The following DPP6 variants were observed in gnomAD, a reference collection of about 807,000 sequenced individuals.
DPP6 encodes dipeptidyl peptidase like 6.
DPP6 carries 69 observed loss-of-function variants against 122.6 expected under a neutral mutation model. That is an observed-to-expected ratio of 0.56 (90% CI 0.46 to 0.69). The LOEUF is 0.69. Ranked by LOEUF, DPP6 falls within the 30% of genes least tolerant of loss-of-function variation. The pLI, the probability that DPP6 is intolerant of heterozygous loss-of-function variation, is 0.00. For missense variants in DPP6, 928 were observed against 1,116.9 expected (o/e 0.83, Z 2.41); for synonymous variants, 418 against 433.1 (o/e 0.97, Z 0.43).
At chr7:154,812,096 G>T (rs1799096279) in intron 16 of DPP6, among the ~76,000 whole-genome samples, 1 of 152,206 alleles carries the variant, frequency 6.6e-6, no homozygotes, top group African/African-American at 2.4e-5. Flanking sequence ...AGGAAGGGAT[G>T]ATCATCAAAG....
intron 1 of DPP6, among the ~76,000 whole-genome samples, chr7:154,303,142 C>T (rs1281888803): frequency 6.6e-6 from 1 of 152,180 alleles, no homozygotes; most frequent in East Asian, 1.9e-4. Flanking sequence ...CCGCCACGCC[C>T]AGCTAATTGG....
chr7:153,947,095 C>T (rs1014156468), intron 1 of DPP6, among the ~76,000 whole-genome samples: 2 of 152,162 alleles, frequency 1.3e-5, no homozygotes, highest in African/African-American at 2.4e-5. Context: ...AAAATAAAAT[C>T]TCTTGCACTC....
intron 1 of DPP6, among the ~76,000 whole-genome samples, chr7:154,339,643 T>G (rs1000756706): frequency 6.6e-6 from 1 of 152,172 alleles, no homozygotes; most frequent in Non-Finnish European, 1.5e-5. Flanking sequence ...ACACTAGTTT[T>G]TTTTTTTCAT....
chr7:153,877,447 G>A, the DPP6 span, among the ~76,000 whole-genome samples: 4 of 151,988 alleles, frequency 2.6e-5, no homozygotes, highest in African/African-American at 7.3e-5. Context: ...TTAAACAAGC[G>A]GTAGTGCAAT....
At chr7:154,544,605 T>C (rs757048106) in intron 4 of DPP6, among the ~76,000 whole-genome samples, 12 of 152,272 alleles carry the variant, frequency 7.9e-5, no homozygotes, top group Non-Finnish European at 1.3e-4. Context: ...CATTCAGCAC[T>C]GGGGTCATGA....
chr7:154,233,750 C>T (rs1201046036), intron 1 of DPP6, among the ~76,000 whole-genome samples: 2 of 152,232 alleles, frequency 1.3e-5, no homozygotes, highest in Non-Finnish European at 2.9e-5. Context: ...GACGTCTTGT[C>T]TCCAGAACCA....
chr7:154,111,191 A>C (rs1806547363), intron 1 of DPP6, among the ~76,000 whole-genome samples: 1 of 152,182 alleles, frequency 6.6e-6, no homozygotes, highest in Non-Finnish European at 1.5e-5. Context: ...TGTCAGCTCC[A>C]TCATTGATGG....
chr7:154,608,903 G>A (rs568797421), intron 5 of DPP6, among the ~76,000 whole-genome samples: 4 of 152,226 alleles, frequency 2.6e-5, no homozygotes, highest in African/African-American at 9.6e-5. Flanking sequence ...CAGGTAGATG[G>A]AATTTTCTAG....
At chr7:153,906,472 T>A (rs917449480) in intron 1 of DPP6, among the ~76,000 whole-genome samples, 6 of 152,134 alleles carry the variant, frequency 3.9e-5, no homozygotes, top group Non-Finnish European at 8.8e-5. Context: ...AATTTCTGAG[T>A]TAGGGTCTCA....
chr7:154,661,719 GGCCGTA>G lies in DPP6; in HGVS notation c.681-7639_681-7634del, dbSNP rs1563073418. Among the ~76,000 whole-genome samples the G allele has an allele frequency of 1.1e-3, 163 of 144,664 alleles. 1 individual carries two copies. Among genetic ancestry groups the G allele is most frequent in the African/African-American group, 4.1e-3 (155 of 37,818 alleles). 94.9% of individuals were successfully genotyped at this position (144,664 alleles called of 152,430 possible). A position where few individuals can be genotyped will look rare whatever the true frequency, so the allele number is the denominator to read the frequency against. On this transcript the variant is annotated intron_variant, in intron 6 of 25. Transcript: ENST00000377770. ...TCATGGTGAATCACCATGGCATATT[GGCCGTA>G]GTGTTCATATAGTCATGGTGAATCA...
At chr7:154,420,059 C>T (rs546236695) in intron 1 of DPP6, among the ~76,000 whole-genome samples, 1 of 152,114 alleles carries the variant, frequency 6.6e-6, no homozygotes, top group Admixed American at 6.6e-5. Context: ...AGGAGAAGGC[C>T]GGCACGGTGG....
the DPP6 span, among the ~76,000 whole-genome samples, chr7:153,755,247 CAG>C: frequency 9.5e-5 from 14 of 146,806 alleles, no homozygotes; most frequent in South Asian, 1.1e-3. Context: ...CTGCATGACT[CAG>C]GGGACAACTA....
intron 1 of DPP6, among the ~76,000 whole-genome samples, chr7:154,002,619 G>A (rs1476964879): frequency 1.3e-5 from 2 of 152,154 alleles, no homozygotes; most frequent in Admixed American, 1.3e-4. Flanking sequence ...GATCTAGATG[G>A]ATAGAGTTGG....
chr7:154,617,591 C>G (rs1366907190), intron 5 of DPP6, among the ~76,000 whole-genome samples: 2 of 152,226 alleles, frequency 1.3e-5, no homozygotes, highest in African/African-American at 4.8e-5. Flanking sequence ...CTCCCACCAC[C>G]ATCCCTGCCC....
chr7:154,487,710 T>C (rs1042344971), intron 3 of DPP6, among the ~76,000 whole-genome samples: 1 of 152,240 alleles, frequency 6.6e-6, no homozygotes, highest in Non-Finnish European at 1.5e-5. Flanking sequence ...GATATTCACA[T>C]GAGCACTGAC....
At chr7:154,192,818 G>C (rs1798680010) in intron 1 of DPP6, among the ~76,000 whole-genome samples, 1 of 152,230 alleles carries the variant, frequency 6.6e-6, no homozygotes, top group African/African-American at 2.4e-5. Flanking sequence ...GGTGTTTGAA[G>C]CAGGTGGCGG....
intron 1 of DPP6, among the ~76,000 whole-genome samples, chr7:154,080,434 T>A (rs546483441): frequency 6.6e-6 from 1 of 152,326 alleles, no homozygotes; most frequent in South Asian, 2.1e-4. Context: ...TATGTAAGAA[T>A]GTTTAACTCA....
intron 6 of DPP6, among the ~76,000 whole-genome samples, chr7:154,666,031 T>C (rs1035324673): frequency 3.3e-4 from 50 of 152,208 alleles, no homozygotes; most frequent in African/African-American, 1.1e-3. Context: ...TTCCACCCTA[T>C]TTCCACCTAT....
chr7:154,323,406 CTGTG>C (rs1334550725), intron 1 of DPP6, among the ~76,000 whole-genome samples: 2 of 152,152 alleles, frequency 1.3e-5, no homozygotes, highest in East Asian at 3.9e-4. Flanking sequence ...GTTCCGTTGA[CTGTG>C]TGAGTGTGAG....
Sources: allele counts gnomAD v4.1 joint callset (sites outside exome capture counted in the v4.1 genomes callset), GRCh38; gene constraint gnomAD v4.1.1; transcripts MANE v1.5; gene names NCBI Gene and HGNC (gene_info 2026-07-23, HGNC 2026-07-21).